ZNF300: variants seen among roughly 807,000 people sequenced by gnomAD.
ZNF300 encodes kruppel-like zinc finger protein.
In ZNF300, 6 loss-of-function variants were observed where a neutral mutation model predicts 13.9. The observed-to-expected ratio is 0.43, with a 90% CI of 0.24 to 0.85. The LOEUF is 0.85. Ranked by LOEUF, ZNF300 falls within the 40% of genes least tolerant of loss-of-function variation. The pLI, the probability that ZNF300 is intolerant of heterozygous loss-of-function variation, is 0.25. For missense variants in ZNF300, 662 were observed against 714.2 expected, an observed-to-expected ratio of 0.93 and a Z score of 0.83; for synonymous variants, 237 against 242.2, an observed-to-expected ratio of 0.98 and a Z score of 0.20.
chr5:150,895,361 A>T lies in ZNF300; in HGVS notation c.*63T>A. Reference sequence around the variant, plus strand: ...ATGTTGTCCCCAAGCTTATCAAATTAATTGGGTTTCTAGTAATTATTAAGG... The same window carrying T: ...ATGTTGTCCCCAAGCTTATCAAATTTATTGGGTTTCTAGTAATTATTAAGG... On this transcript the variant is annotated 3_prime_UTR_variant, in exon 6 of 6. Transcript: ENST00000274599. 2 of 1,271,144 alleles carry T rather than the reference A, an allele frequency of 1.6e-6. No individual in the cohort carries two copies. The highest frequency in any genetic ancestry group is 2.1e-6 in the Non-Finnish European group (2 of 938,336). The allele number at this position is 1,271,144 out of a possible 1,614,324, so 78.7% of individuals were successfully genotyped here.
intron 5 of ZNF300, 128 bp downstream of exon 5, chr5:150,897,934 A>C: frequency 8.9e-7 from 1 of 1,126,284 alleles, no homozygotes. Context: ...GAAAGGCTTC[A>C]CAATTACTTG....
chr5:150,900,568 A>G (rs1754959871), intron 3 of ZNF300: 1 of 152,090 alleles, frequency 6.6e-6, no homozygotes, highest in African/African-American at 2.4e-5. Context: ...GTTGGTTTCT[A>G]CATCTCTTTT....
intron 5 of ZNF300, chr5:150,897,785 T>C (rs1377261901): frequency 7.5e-6 from 3 of 399,438 alleles, no homozygotes; most frequent in Non-Finnish European, 1.3e-5. Flanking sequence ...TCTGGGAATA[T>C]TGCCTTTTAA....
intron 5 of ZNF300, chr5:150,897,774 A>G (rs746384901): frequency 2.8e-5 from 11 of 386,842 alleles, no homozygotes; most frequent in Non-Finnish European, 5.0e-5. Flanking sequence ...ACAGTCATTT[A>G]TCTGGGAATA....
At chr5:150,897,036 T>G in intron 5 of ZNF300, 63 bp from the exon 6 acceptor site, 3 of 1,305,920 alleles carry the variant, frequency 2.3e-6, no homozygotes, top group Non-Finnish European at 3.1e-6. Context: ...GGTAAAGAAG[T>G]AGAACAAATG....
chr5:150,900,032 C>T (rs1057231287), intron 3 of ZNF300, among the ~76,000 whole-genome samples: 1 of 152,014 alleles, frequency 6.6e-6, no homozygotes, highest in African/African-American at 2.4e-5. Context: ...AGCTGCCAAA[C>T]AGTTAGTTGT....
In ZNF300 at chr5:150,896,034, G is replaced by A. The variant is rs1392903928; in HGVS notation, c.1205C>T (p.Ala402Val). Residue 402 changes from alanine to valine, a missense_variant, in exon 6 of 6, where the codon GCT becomes GTT. Transcript: ENST00000274599. ...QKSQLIIHHR[A>V]HTGEKPYECT... ...CTCATACGGCTTCTCTCCAGTATGAGCTCTGTGGTGTATAATCAGCTGTGA... is the reference window on the plus strand; with the variant it reads ...CTCATACGGCTTCTCTCCAGTATGAACTCTGTGGTGTATAATCAGCTGTGA... 2.5e-6 allele frequency: 4 copies of A among 1,613,200 alleles called. No homozygotes were observed. Among genetic ancestry groups the A allele is most frequent in the Non-Finnish European group, 1.7e-6 (2 of 1,179,700 alleles).
chr5:150,897,185 TAAAAG>T (rs768532933), intron 5 of ZNF300: 167 of 424,974 alleles, frequency 3.9e-4, no homozygotes, highest in Middle Eastern at 1.8e-3. Context: ...AAACTAAACT[TAAAAG>T]AGATGAAAAA....
At chr5:150,898,391 T>C in intron 4 of ZNF300, 37 bp downstream of exon 4, 2 of 1,613,288 alleles carry the variant, frequency 1.2e-6, no homozygotes, top group Non-Finnish European at 1.7e-6. Flanking sequence ...GGCACTTGAT[T>C]GGACAACTCT....
chr5:150,904,450 C>T (rs934381545), intron 1 of ZNF300, among the ~76,000 whole-genome samples: 2 of 152,036 alleles, frequency 1.3e-5, no homozygotes, highest in African/African-American at 4.8e-5. Flanking sequence ...TAGTCCATAG[C>T]CTCCCATCAC....
rs1754862892 is a variant in ZNF300, at chr5:150,898,145, T to G, written c.182A>C (p.Glu61Ala). 1 of 1,613,474 alleles carries G rather than the reference T, an allele frequency of 6.2e-7. No individual in the cohort carries two copies. Among genetic ancestry groups the G allele is most frequent in the South Asian group, 1.1e-5 (1 of 91,080 alleles). ...VSKPDVISKL[E>A]QGEEPWIIKG... ...TATGATCCATGGCTCTTCTCCTTGT[T>G]CCAACTTGGAGATGACATCTGGTTT... The change falls in exon 5 of 6, where the codon GAA becomes GCA. Residue 61 changes from glutamate (E) to alanine (A), a missense_variant. Transcript: ENST00000274599.
chr5:150,898,453 CTCCAGCA>C lies in ZNF300; in HGVS notation c.110_116del (p.Met37ArgfsTer31). On this transcript the variant is annotated frameshift_variant, in exon 4 of 6. Coordinates refer to ENST00000274599, the MANE Select transcript of ZNF300 (RefSeq NM_052860.4). LOFTEE classifies it high-confidence loss of function. Reference sequence around the variant, plus strand: ...CCATTGAGACCAGGTGGCTGTAGTTCTCCAGCATCACATCCCTGTACAGGGTCCTCTG... The same window carrying C: ...CCATTGAGACCAGGTGGCTGTAGTTCTCACATCCCTGTACAGGGTCCTCTG... The C allele has an allele frequency of 5.6e-6, 9 of 1,613,484 alleles. No homozygotes were observed. Among genetic ancestry groups the C allele is most frequent in the Non-Finnish European group, 6.8e-6 (8 of 1,179,606 alleles).
At chr5:150,897,946 T>G in intron 5 of ZNF300, 116 bp downstream of exon 5, 1 of 1,283,958 alleles carries the variant, frequency 7.8e-7, no homozygotes, top group Non-Finnish European at 1.1e-6. Context: ...AATTACTTGT[T>G]GAGTGACTAC....
At position 150,895,409 on chromosome 5, in the gene ZNF300, T is replaced by C. The variant is rs756462821; in HGVS notation, c.*15A>G. On this transcript the variant is annotated 3_prime_UTR_variant, in exon 6 of 6. Coordinates refer to ENST00000274599, the MANE Select transcript of ZNF300 (RefSeq NM_052860.4). ...AGGCTTGAGCTAATACTAAGGCTTT[T>C]CTGTGGCCAGTTCATTATGATTTTA... The C allele has an allele frequency of 6.4e-7, 1 of 1,561,202 alleles. No individual in the cohort carries two copies.
intron 3 of ZNF300, 48 bp downstream of exon 3, chr5:150,903,093 T>C: frequency 6.4e-7 from 1 of 1,569,646 alleles, no homozygotes; most frequent in Non-Finnish European, 8.7e-7. Context: ...CATTTGATTG[T>C]ATGAAAAACC....
Position 150,896,827 on chromosome 5 carries a change from G to C in ZNF300, c.412C>G (p.Leu138Val), listed in dbSNP as rs767774099. Reference protein sequence around the residue: ...CQGDGQLQRFLENQDKLFRQV... With the variant: ...CQGDGQLQRFVENQDKLFRQV... The stretch of plus-strand genomic sequence containing the variant: ...CTGAAGAGTTTGTCTTGATTCTCTA[G>C]AAATCTCTGCAGCTGACCATCACCT... The change falls in exon 6 of 6, where the codon CTA (leucine) becomes GTA (valine). Residue 138 changes from leucine (L) to valine (V), a missense_variant. Transcript: ENST00000274599. 2 of 1,613,650 alleles carry C rather than the reference G, an allele frequency of 1.2e-6. No homozygotes were observed. The highest frequency in any genetic ancestry group is 1.7e-6 in the Non-Finnish European group (2 of 1,179,754).
In ZNF300 at chr5:150,896,613, C is replaced by T. The variant is rs1268955667; in HGVS notation, c.626G>A (p.Arg209Lys). 2 of 1,613,412 alleles carry T rather than the reference C, an allele frequency of 1.2e-6. No individual in the cohort carries two copies. The highest frequency in any genetic ancestry group is 2.7e-5 in the African/African-American group (2 of 74,878). Reference protein sequence around the residue: ...DLPSCYKSNSRKKPDQSFGGG... With the variant: ...DLPSCYKSNSKKKPDQSFGGG... ...TCCAAAACTCTGATCAGGTTTTTTT[C>T]TTGAATTGCTCTTATAACAACTCGG... The change falls in exon 6 of 6, where the codon AGA becomes AAA. Residue 209 changes from arginine to lysine, a missense_variant. Coordinates refer to ENST00000274599, the MANE Select transcript of ZNF300 (RefSeq NM_052860.4).
At chr5:150,899,248 TC>T (rs1458669126) in intron 3 of ZNF300, among the ~76,000 whole-genome samples, 3 of 152,034 alleles carry the variant, frequency 2.0e-5, no homozygotes, top group Non-Finnish European at 4.4e-5. Flanking sequence ...GTCACAGCAA[TC>T]CTAGCAAACC....
chr5:150,900,630 T>G (rs901608805), intron 3 of ZNF300: 8 of 152,106 alleles, frequency 5.3e-5, no homozygotes, highest in Non-Finnish European at 1.5e-5. Context: ...CTCAGGATAT[T>G]CAACAGCTAG....
Sources: gnomAD v4.1 joint callset for allele counts (sites outside exome capture counted in the v4.1 genomes callset) on GRCh38, gnomAD v4.1.1 for gene constraint, MANE v1.5 for transcripts, NCBI Gene and HGNC (gene_info 2026-07-23, HGNC 2026-07-21) for gene names.